NSUN3: variants seen among roughly 807,000 people sequenced by gnomAD.
The protein encoded by NSUN3 is tRNA (cytosine(34)-C(5))-methyltransferase, mitochondrial.
Under a neutral mutation model 36.8 loss-of-function variants are expected in NSUN3, and 24 were observed. The observed-to-expected ratio is 0.65, with a 90% CI of 0.47 to 0.92. NSUN3 has a LOEUF of 0.92. Ranked by LOEUF, NSUN3 falls within the 40% of genes least tolerant of loss-of-function variation. NSUN3 has a pLI of 0.00. For synonymous variants in NSUN3, 146 were observed against 145.2 expected (o/e 1.01, Z -0.04); for missense variants, 381 against 392.8 (o/e 0.97, Z 0.25).
At position 94,131,324 on chromosome 3, in the gene NSUN3, G is replaced by T. The variant is rs115092898; in HGVS notation, c.*4834G>T. 2.6e-5 allele frequency among the ~76,000 whole-genome samples: 4 copies of T among 152,096 alleles called. No homozygotes were observed. The highest frequency in any genetic ancestry group is 5.9e-5 in the Non-Finnish European group (4 of 68,016). On this transcript the variant is annotated 3_prime_UTR_variant, in exon 6 of 6. Coordinates refer to ENST00000314622, the MANE Select transcript of NSUN3 (RefSeq NM_022072.5). ...TTTCATAGTTAAAGGGTAGAGCCGC[G>T]ATCAAAACTGGCTCCGAGGTCCAGG...
chr3:94,115,692 ATTC>A (rs1468099727), intron 5 of NSUN3, among the ~76,000 whole-genome samples: 1 of 152,212 alleles, frequency 6.6e-6, no homozygotes, highest in Non-Finnish European at 1.5e-5. Flanking sequence ...TGTGCTGATT[ATTC>A]TTTTCTGCTC....
At chr3:94,101,841 A>G (rs1294334188) in intron 5 of NSUN3, among the ~76,000 whole-genome samples, 19 of 152,190 alleles carry the variant, frequency 1.2e-4, no homozygotes, top group Non-Finnish European at 2.2e-4. Context: ...AAATATACTG[A>G]AAATGAAATA....
rs1231320054 is a variant in NSUN3, at chr3:94,126,595, G to T, written c.*105G>T. 2.0e-6 allele frequency: 2 copies of T among 1,022,704 alleles called. No individual in the cohort carries two copies. Among genetic ancestry groups the T allele is most frequent in the Non-Finnish European group, 2.8e-6 (2 of 708,702 alleles). The allele number at this position is 1,022,704 out of a possible 1,614,324, so 63.4% of individuals were successfully genotyped here. A position where few individuals can be genotyped will look rare whatever the true frequency, so the allele number is the denominator to read the frequency against. ...GCAGTAACTTTCTCTGGGTCTGTTT[G>T]GAATCCTATTTAGTTAATACTTTAG... On this transcript the variant is annotated 3_prime_UTR_variant, in exon 6 of 6. Transcript: ENST00000314622.
chr3:94,098,507 G>A (rs538186492), intron 5 of NSUN3, among the ~76,000 whole-genome samples: 1 of 151,918 alleles, frequency 6.6e-6, no homozygotes, highest in Admixed American at 6.6e-5. Flanking sequence ...TTTTTAATTT[G>A]GGGATTTTCC....
Position 94,084,500 on chromosome 3 carries a change from T to C in NSUN3, c.466+50T>C, listed in dbSNP as rs543811832. On this transcript the variant is annotated intron_variant, in intron 3 of 5. Transcript: ENST00000314622. ...TGACAACTTTTTAATATCTGTATGT[T>C]ATAGAGAATTCTGAAAGTATATATG... 9.3e-5 allele frequency: 126 copies of C among 1,361,902 alleles called. No individual in the cohort carries two copies. In the South Asian group the frequency reaches 1.6e-3, roughly 18 times the overall value. 84.4% of individuals were successfully genotyped at this position (1,361,902 alleles called of 1,614,324 possible).
chr3:94,110,176 A>G (rs1296916597), intron 5 of NSUN3, among the ~76,000 whole-genome samples: 2 of 152,138 alleles, frequency 1.3e-5, no homozygotes, highest in Non-Finnish European at 2.9e-5. Flanking sequence ...GCTTGAGGCC[A>G]CTGTATTATT....
In NSUN3 at chr3:94,131,224, A is replaced by G. The variant is rs1052872596; in HGVS notation, c.*4734A>G. On this transcript the variant is annotated 3_prime_UTR_variant, in exon 6 of 6. Transcript: ENST00000314622. ...TGAGCCATTGTGCTCGGCCTCATAT[A>G]TTATTAGTTGTAAAAAAGGATGCAT... 2.6e-5 allele frequency among the ~76,000 whole-genome samples: 4 copies of G among 151,936 alleles called. No individual in the cohort carries two copies. The highest frequency in any genetic ancestry group is 4.8e-5 in the African/African-American group (2 of 41,344).
At chr3:94,085,137 G>A (rs941486915) in intron 3 of NSUN3, 2 of 152,122 alleles carry the variant, frequency 1.3e-5, no homozygotes, top group South Asian at 4.1e-4. Context: ...TGAGAAGAGG[G>A]TATAGTATTG....
chr3:94,106,608 T>C (rs1000990574), intron 5 of NSUN3, among the ~76,000 whole-genome samples: 1 of 152,222 alleles, frequency 6.6e-6, no homozygotes, highest in African/African-American at 2.4e-5. Flanking sequence ...AGATTGTACA[T>C]GAGCTTCAAC....
intron 2 of NSUN3, among the ~76,000 whole-genome samples, chr3:94,075,002 T>G (rs2077240558): frequency 6.6e-6 from 1 of 152,090 alleles, no homozygotes; most frequent in African/African-American, 2.4e-5. Flanking sequence ...TTATTGAGAG[T>G]TTTTAGCATA....
intron 3 of NSUN3, chr3:94,085,174 A>G (rs1432485430): frequency 6.6e-6 from 1 of 152,330 alleles, no homozygotes; most frequent in East Asian, 1.9e-4. Flanking sequence ...TTTTCAAGTG[A>G]CTTTTTCATT....
At position 94,071,322 on chromosome 3, in the gene NSUN3, T is replaced by A. The variant is rs532007304; in HGVS notation, c.122+6776T>A. Among the ~76,000 whole-genome samples, 15 of 152,244 alleles carry A rather than the reference T, an allele frequency of 9.9e-5. No homozygotes were observed. In the East Asian group the frequency reaches 2.9e-3, roughly 29 times the overall value. Reference sequence around the variant, plus strand: ...TGTATATGTGGGGGCTAGAGAAGCATGATAGGGTGATAAAAAGATTTCAAG... The same window carrying A: ...TGTATATGTGGGGGCTAGAGAAGCAAGATAGGGTGATAAAAAGATTTCAAG... On this transcript the variant is annotated intron_variant, in intron 2 of 5. Coordinates refer to ENST00000314622, the MANE Select transcript of NSUN3 (RefSeq NM_022072.5).
chr3:94,088,290 C>CT (rs1263761606), intron 3 of NSUN3, among the ~76,000 whole-genome samples: 1 of 152,116 alleles, frequency 6.6e-6, no homozygotes, highest in African/African-American at 2.4e-5. Flanking sequence ...GCTTTTCAAA[C>CT]TTTTTTTAGT....
chr3:94,077,825 CTCTTT>C (rs1450035213), intron 2 of NSUN3, among the ~76,000 whole-genome samples: 1 of 152,106 alleles, frequency 6.6e-6, no homozygotes, highest in Non-Finnish European at 1.5e-5. Context: ...TGATTCTTCT[CTCTTT>C]TCTTCTTTAT....
chr3:94,115,858 G>C (rs1428173609), intron 5 of NSUN3, among the ~76,000 whole-genome samples: 1 of 152,130 alleles, frequency 6.6e-6, no homozygotes, highest in Admixed American at 6.5e-5. Context: ...TGTTTTAATA[G>C]CTATTTATAA....
intron 5 of NSUN3, among the ~76,000 whole-genome samples, chr3:94,120,660 C>T (rs1031963610): frequency 6.6e-6 from 1 of 152,140 alleles, no homozygotes; most frequent in South Asian, 2.1e-4. Context: ...ACACATTTTG[C>T]TTGGCAGTTC....
chr3:94,087,187 A>G (rs2077295572), intron 3 of NSUN3, among the ~76,000 whole-genome samples: 1 of 152,248 alleles, frequency 6.6e-6, no homozygotes, highest in South Asian at 2.1e-4. Context: ...ACTAAGAAGT[A>G]CAGATGTCTT....
intron 1 of NSUN3, among the ~76,000 whole-genome samples, chr3:94,063,637 A>G (rs1353004420): frequency 6.6e-6 from 1 of 152,100 alleles, no homozygotes; most frequent in Non-Finnish European, 1.5e-5. Flanking sequence ...TTTTGTTTAG[A>G]TACAAGTTCT....
chr3:94,091,188 T>C (rs550883247), intron 3 of NSUN3, among the ~76,000 whole-genome samples: 2 of 152,188 alleles, frequency 1.3e-5, no homozygotes, highest in East Asian at 1.9e-4. Context: ...AAGACCTTAA[T>C]AGCAACCAGA....
Sources: gnomAD v4.1 joint callset for allele counts (sites outside exome capture counted in the v4.1 genomes callset) on GRCh38, gnomAD v4.1.1 for gene constraint, MANE v1.5 for transcripts, NCBI Gene and HGNC (gene_info 2026-07-23, HGNC 2026-07-21) for gene names.